Variants in PRELID2 observed in about 807,000 individuals in gnomAD.
PRELID2 encodes the protein PRELI domain containing 2, also known as PRELI domain-containing protein 2.
PRELID2 carries 25 observed loss-of-function variants against 28.4 expected under a neutral mutation model. That is an observed-to-expected ratio of 0.88 (90% CI 0.64 to 1.23). The LOEUF is 1.23. PRELID2 is among the 50% of genes most tolerant of loss of function. The pLI is 0.00. For synonymous variants in PRELID2, 76 were observed against 71.6 expected (o/e 1.06, Z -0.31); for missense variants, 201 against 214.4 (o/e 0.94, Z 0.39).
At chr5:145,819,286 G>T in intron 3 of PRELID2, 1 of 835,992 alleles carries the variant, frequency 1.2e-6, no homozygotes. Context: ...GGCATATCCA[G>T]ATGCTTTCCT....
the PRELID2 span, among the ~76,000 whole-genome samples, chr5:145,358,664 C>T: frequency 6.6e-6 from 1 of 152,048 alleles, no homozygotes; most frequent in African/African-American, 2.4e-5. Flanking sequence ...GGAATTAAGA[C>T]ACAGATGATA....
At chr5:145,599,947 G>T (rs188343447) in intron 1 of PRELID2, among the ~76,000 whole-genome samples, 207 of 152,106 alleles carry the variant, frequency 1.4e-3, no homozygotes, top group African/African-American at 4.7e-3. Context: ...ATCTTCCAAG[G>T]TATTTCTAAT....
intron 1 of PRELID2, among the ~76,000 whole-genome samples, chr5:145,567,204 C>T (rs1201719640): frequency 6.6e-6 from 1 of 152,116 alleles, no homozygotes; most frequent in African/African-American, 2.4e-5. Context: ...AGCTTTATTA[C>T]CTATTGATAT....
intron 1 of PRELID2, among the ~76,000 whole-genome samples, chr5:145,687,195 C>G (rs1043888522): frequency 6.6e-6 from 1 of 152,174 alleles, no homozygotes; most frequent in Admixed American, 6.5e-5. Flanking sequence ...TGGGACTCTT[C>G]TTCTGGGGAT....
chr5:145,602,744 C>CA (rs1753414770), intron 1 of PRELID2, among the ~76,000 whole-genome samples: 1 of 151,902 alleles, frequency 6.6e-6, no homozygotes, highest in South Asian at 2.1e-4. Flanking sequence ...CCAGATTAAA[C>CA]ACAGGTGAAA....
At chr5:145,644,536 G>T (rs76638978) in intron 1 of PRELID2, among the ~76,000 whole-genome samples, 1 of 151,812 alleles carries the variant, frequency 6.6e-6, no homozygotes, top group African/African-American at 2.4e-5. Flanking sequence ...TCTGATTTTA[G>T]TTATTTCTTG....
At chr5:145,366,845 A>T in the PRELID2 span, among the ~76,000 whole-genome samples, 1 of 151,886 alleles carries the variant, frequency 6.6e-6, no homozygotes, top group African/African-American at 2.4e-5. Context: ...AATCTCAAGG[A>T]AATACTCAAA....
At chr5:145,712,616 A>G (rs1419849954) in intron 1 of PRELID2, among the ~76,000 whole-genome samples, 1 of 152,216 alleles carries the variant, frequency 6.6e-6, no homozygotes, top group Non-Finnish European at 1.5e-5. Context: ...TCTTTTATAT[A>G]TAATATCCAG....
chr5:145,427,376 C>T, the PRELID2 span, among the ~76,000 whole-genome samples: 15 of 152,200 alleles, frequency 9.9e-5, no homozygotes, highest in Non-Finnish European at 2.1e-4. Context: ...TTAAGACTCT[C>T]CTCTCCCCTC....
intron 4 of PRELID2, among the ~76,000 whole-genome samples, chr5:145,813,294 C>A (rs768475787): frequency 6.6e-6 from 1 of 152,170 alleles, no homozygotes; most frequent in African/African-American, 2.4e-5. Flanking sequence ...ATGAATCTTT[C>A]TTGGATGCCC....
chr5:145,412,689 T>C, the PRELID2 span, among the ~76,000 whole-genome samples: 2 of 152,208 alleles, frequency 1.3e-5, no homozygotes, highest in Non-Finnish European at 2.9e-5. Flanking sequence ...GGTGTCTTTA[T>C]AGCAGCTCCC....
At chr5:145,376,339 A>G in the PRELID2 span, among the ~76,000 whole-genome samples, 1 of 152,156 alleles carries the variant, frequency 6.6e-6, no homozygotes, top group Non-Finnish European at 1.5e-5. Context: ...CATCAAGAAT[A>G]TTGGCCTAAA....
the PRELID2 span, among the ~76,000 whole-genome samples, chr5:145,453,456 A>C: frequency 6.6e-6 from 1 of 151,904 alleles, no homozygotes. Flanking sequence ...GCTCTTTTTT[A>C]TTTCGTTTAT....
At chr5:145,599,562 T>A (rs1359376665) in intron 1 of PRELID2, among the ~76,000 whole-genome samples, 2 of 152,154 alleles carry the variant, frequency 1.3e-5, no homozygotes, top group African/African-American at 4.8e-5. Flanking sequence ...ACTGTTTCTG[T>A]CTTACGCTCG....
At chr5:145,317,912 C>T in the PRELID2 span, among the ~76,000 whole-genome samples, 1 of 152,000 alleles carries the variant, frequency 6.6e-6, no homozygotes, top group Non-Finnish European at 1.5e-5. Flanking sequence ...AATTCTAGAC[C>T]CATAGATCTC....
At chr5:145,375,921 G>A in the PRELID2 span, among the ~76,000 whole-genome samples, 2 of 152,166 alleles carry the variant, frequency 1.3e-5, no homozygotes, top group Non-Finnish European at 2.9e-5. Flanking sequence ...GAGTGCCAGT[G>A]CTGGCTGCTA....
intron 1 of PRELID2, among the ~76,000 whole-genome samples, chr5:145,679,388 ATC>A (rs945305782): frequency 7.9e-5 from 12 of 152,174 alleles, no homozygotes; most frequent in African/African-American, 2.7e-4. Context: ...CTCAAATGTT[ATC>A]TCTTTGTAGA....
the PRELID2 span, among the ~76,000 whole-genome samples, chr5:145,425,671 C>G: frequency 2.0e-5 from 3 of 152,080 alleles, no homozygotes; most frequent in Non-Finnish European, 4.4e-5. Context: ...AACCAACCAC[C>G]TCATATTCTC....
intron 1 of PRELID2, among the ~76,000 whole-genome samples, chr5:145,594,302 T>G (rs987089782): frequency 6.6e-5 from 10 of 152,206 alleles, no homozygotes; most frequent in Non-Finnish European, 1.2e-4. Flanking sequence ...CTTTTATCAT[T>G]TGTGCCAACT....
Sources: gnomAD v4.1 joint callset for allele counts (sites outside exome capture counted in the v4.1 genomes callset) on GRCh38, gnomAD v4.1.1 for gene constraint, MANE v1.5 for transcripts, NCBI Gene and HGNC (gene_info 2026-07-23, HGNC 2026-07-21) for gene names.